Variants in PLEKHA8 observed in about 807,000 individuals in gnomAD.
The protein encoded by PLEKHA8 is pleckstrin homology domain containing A8.
A neutral mutation model predicts 68.2 loss-of-function variants in PLEKHA8; 36 were observed. That is an observed-to-expected ratio of 0.53 (90% CI 0.40 to 0.70). PLEKHA8 has a LOEUF of 0.70. Among genes scored for constraint, PLEKHA8 ranks in the 30% least tolerant of loss-of-function variants. The pLI is 0.00. For missense variants in PLEKHA8, 505 were observed against 615.4 expected (o/e 0.82, Z 1.90); for synonymous variants, 211 against 216.1 (o/e 0.98, Z 0.20).
intron 9 of PLEKHA8, among the ~76,000 whole-genome samples, chr7:30,058,346 C>A (rs1053439087): frequency 1.9e-4 from 29 of 151,992 alleles, no homozygotes; most frequent in Admixed American, 5.9e-4. Context: ...CTTAAGAAAT[C>A]TTTACCTATC....
chr7:30,106,147 C>A (rs766747022), intron 13 of PLEKHA8, among the ~76,000 whole-genome samples: 31 of 152,076 alleles, frequency 2.0e-4, no homozygotes, highest in Admixed American at 3.3e-4. Context: ...CAACCACTGC[C>A]TCCCAGGTTT....
At chr7:30,069,114 A>T (rs889576916) in intron 12 of PLEKHA8, among the ~76,000 whole-genome samples, 1 of 152,166 alleles carries the variant, frequency 6.6e-6, no homozygotes, top group Admixed American at 6.5e-5. Context: ...GGTTCTTACT[A>T]TTCTAAGTGA....
At chr7:30,101,776 A>G (rs1219983584) in intron 13 of PLEKHA8, among the ~76,000 whole-genome samples, 1 of 152,232 alleles carries the variant, frequency 6.6e-6, no homozygotes, top group Non-Finnish European at 1.5e-5. Context: ...AGACCTAAAG[A>G]AAAGAGCTAT....
At chr7:30,049,526 G>A (rs1583806463) in intron 5 of PLEKHA8, 144 bp downstream of exon 5, 1 of 1,027,506 alleles carries the variant, frequency 9.7e-7, no homozygotes, top group East Asian at 2.7e-5. Flanking sequence ...TTTTATATCT[G>A]TCCTCAGCAC....
intron 1 of PLEKHA8, among the ~76,000 whole-genome samples, chr7:30,038,834 G>T (rs956347181): frequency 9.9e-5 from 15 of 151,828 alleles, no homozygotes; most frequent in South Asian, 4.1e-4. Flanking sequence ...ATTACTTTTG[G>T]TTTGGATCTT....
At chr7:30,056,312 C>CTCTCTCTCTCTCTCTATATATA (rs796845171) in intron 9 of PLEKHA8, among the ~76,000 whole-genome samples, 4 of 94,554 alleles carry the variant, frequency 4.2e-5, no homozygotes, top group South Asian at 3.8e-4. Flanking sequence ...CTCTCTCTCT[C>CTCTCTCTCTCTCTCTATATATA]TATATATATA....
chr7:30,090,184 C>T, exon 13 of PLEKHA8: 1 of 1,550,004 alleles, frequency 6.5e-7, no homozygotes, highest in East Asian at 2.4e-5. Context: ...GACACCAAAA[C>T]ATACCCTGAT....
rs752879580 is a variant in PLEKHA8, at chr7:30,123,751, CAAGAGATGGA to C, written c.1363-5514_1363-5505del. Among the ~76,000 whole-genome samples the C allele has an allele frequency of 2.8e-4, 42 of 152,210 alleles. 1 individual carries two copies. Among genetic ancestry groups the C allele is most frequent in the Admixed American group, 2.7e-3 (41 of 15,284 alleles). ...GAGCCAGCACAGAGGAAAACAGAAC[CAAGAGATGGA>C]GAGAGATAGATGTCCGATAACTTTA... On this transcript the variant is annotated intron_variant, in intron 13 of 13. Transcript: ENST00000396257.
intron 13 of PLEKHA8, among the ~76,000 whole-genome samples, chr7:30,101,494 A>G (rs911919974): frequency 6.6e-6 from 1 of 152,132 alleles, no homozygotes; most frequent in African/African-American, 2.4e-5. Flanking sequence ...GTGTCCTCAC[A>G]TGGAGGAAGG....
At position 30,081,840 on chromosome 7, in the gene PLEKHA8, G is replaced by A. The variant is rs908709494; in HGVS notation, c.*3053G>A. On this transcript the variant is annotated 3_prime_UTR_variant, in exon 14 of 14. Coordinates refer to ENST00000449726, the MANE Select transcript of PLEKHA8 (RefSeq NM_001197026.2). Reference sequence around the variant, plus strand: ...GTACTTTTCTCTATGGTAAAAGCCAGTGTTTACACTTTGTAGGGATCAGGG... The same window carrying A: ...GTACTTTTCTCTATGGTAAAAGCCAATGTTTACACTTTGTAGGGATCAGGG... The A allele has an allele frequency of 1.6e-5, 16 of 985,264 alleles. No individual in the cohort carries two copies. In the African/African-American group the frequency reaches 2.6e-4, roughly 16 times the overall value. The allele number at this position is 985,264 out of a possible 1,614,324, so 61.0% of individuals were successfully genotyped here.
chr7:30,029,198 A>G (rs1410260809), intron 1 of PLEKHA8, among the ~76,000 whole-genome samples: 2 of 152,248 alleles, frequency 1.3e-5, no homozygotes, highest in African/African-American at 2.4e-5. Context: ...GAAGGTTTCA[A>G]AAGAATGCCA....
downstream of PLEKHA8, chr7:30,129,603 G>T: frequency 2.6e-6 from 1 of 390,366 alleles, no homozygotes; most frequent in Non-Finnish European, 4.7e-6. Flanking sequence ...ATAGACCAAA[G>T]GTCACTGCTA....
At chr7:30,035,870 A>G (rs1791026613) in intron 1 of PLEKHA8, among the ~76,000 whole-genome samples, 1 of 149,604 alleles carries the variant, frequency 6.7e-6, no homozygotes, top group African/African-American at 2.5e-5. Context: ...CTGGTCTTGA[A>G]CTCCTGACCT....
rs114598606 is a variant in PLEKHA8 at position 30,058,308 on chromosome 7, C to T, written c.1040-2576C>T. Among the ~76,000 whole-genome samples the T allele has an allele frequency of 5.7e-3, 871 of 152,120 alleles. 10 individuals are homozygous for T. The highest frequency in any genetic ancestry group is 0.019 in the African/African-American group (801 of 41,524). ...TTTAAATTTCCATGAAGTCCAGTTT[C>T]TTCTTTTATACTTAGTGCTTTTAGT... On this transcript the variant is annotated intron_variant, in intron 9 of 13. Coordinates refer to ENST00000449726, the MANE Select transcript of PLEKHA8 (RefSeq NM_001197026.2).
chr7:30,046,207 C>T lies in PLEKHA8; in HGVS notation c.158-3C>T. The stretch of plus-strand genomic sequence containing the variant: ...CTCTGATCTCCCTCTGTCTTGCTCC[C>T]AGTTCATTCTGTAGATAATACACGC... On this transcript the variant is annotated splice_polypyrimidine_tract_variant and splice_region_variant and intron_variant, in intron 2 of 13. Coordinates refer to ENST00000449726, the MANE Select transcript of PLEKHA8 (RefSeq NM_001197026.2). 1 of 1,593,250 alleles carries T rather than the reference C, an allele frequency of 6.3e-7. No homozygotes were observed. Among genetic ancestry groups the T allele is most frequent in the African/African-American group, 1.3e-5 (1 of 74,608 alleles).
chr7:30,035,070 A>G (rs1017452903), intron 1 of PLEKHA8, among the ~76,000 whole-genome samples: 4 of 152,132 alleles, frequency 2.6e-5, no homozygotes, highest in Non-Finnish European at 5.9e-5. Flanking sequence ...TAGATATTCA[A>G]TACTCAACTC....
At chr7:30,055,599 T>C (rs551262327) in intron 9 of PLEKHA8, among the ~76,000 whole-genome samples, 2 of 152,270 alleles carry the variant, frequency 1.3e-5, no homozygotes, top group African/African-American at 4.8e-5. Context: ...AAACCATACA[T>C]AAAAGTAAAA....
At chr7:30,122,933 C>G (rs191604880) in intron 13 of PLEKHA8, among the ~76,000 whole-genome samples, 38 of 152,238 alleles carry the variant, frequency 2.5e-4, no homozygotes, top group African/African-American at 8.9e-4. Context: ...TGGTAGTTTT[C>G]TAGTTCCTGG....
At chr7:30,077,004 G>A (rs1794648462) in intron 13 of PLEKHA8, among the ~76,000 whole-genome samples, 1 of 152,148 alleles carries the variant, frequency 6.6e-6, no homozygotes, top group African/African-American at 2.4e-5. Flanking sequence ...TCACTAACTA[G>A]CCTTCATTTG....
Sources: allele counts gnomAD v4.1 joint callset (sites outside exome capture counted in the v4.1 genomes callset), GRCh38; gene constraint gnomAD v4.1.1; transcripts MANE v1.5; gene names NCBI Gene and HGNC (gene_info 2026-07-23, HGNC 2026-07-21).